KSR2: variants seen among roughly 807,000 people sequenced by gnomAD.
KSR2 encodes the protein kinase suppressor of ras 2.
In KSR2, 25 loss-of-function variants were observed where a neutral mutation model predicts 107.8. That is an observed-to-expected ratio of 0.23 (90% confidence interval 0.17 to 0.32). KSR2 has a LOEUF of 0.32. Ranked by LOEUF, KSR2 falls within the 10% of genes least tolerant of loss-of-function variation. The pLI, the probability that KSR2 is intolerant of heterozygous loss-of-function variation, is 1.00. For missense variants in KSR2, 887 were observed against 1,268.9 expected (o/e 0.70, Z 4.57); for synonymous variants, 480 against 507.0 (o/e 0.95, Z 0.71).
chr12:117,488,134 C>A (rs1872567395), intron 14 of KSR2, among the ~76,000 whole-genome samples: 1 of 152,162 alleles, frequency 6.6e-6, no homozygotes, highest in Non-Finnish European at 1.5e-5. Context: ...GTAAGACGTG[C>A]CTTTGTTTCC....
intron 4 of KSR2, among the ~76,000 whole-genome samples, chr12:117,722,152 T>C (rs908691294): frequency 1.3e-5 from 2 of 152,156 alleles, no homozygotes; most frequent in Non-Finnish European, 2.9e-5. Flanking sequence ...GGGACTACAG[T>C]TGCATGCCAC....
At chr12:117,858,422 C>T (rs973161515) in intron 2 of KSR2, among the ~76,000 whole-genome samples, 15 of 151,824 alleles carry the variant, frequency 9.9e-5, no homozygotes, top group Admixed American at 5.3e-4. Context: ...TACGAGATTG[C>T]GCGTGGTCTG....
chr12:117,733,893 G>T (rs563158293), intron 4 of KSR2, among the ~76,000 whole-genome samples: 2 of 152,336 alleles, frequency 1.3e-5, no homozygotes, highest in South Asian at 4.1e-4. Flanking sequence ...CTGAATGGAA[G>T]AATGAACAAA....
At chr12:117,523,076 A>G (rs1874866328) in intron 14 of KSR2, among the ~76,000 whole-genome samples, 1 of 152,218 alleles carries the variant, frequency 6.6e-6, no homozygotes, top group South Asian at 2.1e-4. Flanking sequence ...GCCCATCCCT[A>G]GATCTCTAAT....
At chr12:117,730,623 C>T (rs111535149) in intron 4 of KSR2, among the ~76,000 whole-genome samples, 11,190 of 152,198 alleles carry the variant, frequency 0.074, 1,384 homozygotes, top group African/African-American at 0.26. Context: ...ATTCTCCTGC[C>T]TCAGCCTGCC....
chr12:117,521,198 G>C (rs1193490290), intron 14 of KSR2, among the ~76,000 whole-genome samples: 1 of 152,076 alleles, frequency 6.6e-6, no homozygotes, highest in Non-Finnish European at 1.5e-5. Flanking sequence ...TCCTCTCCTA[G>C]GACTCTGGTG....
intron 4 of KSR2, among the ~76,000 whole-genome samples, chr12:117,690,826 C>T (rs1408800404): frequency 6.6e-6 from 1 of 152,212 alleles, no homozygotes; most frequent in African/African-American, 2.4e-5. Flanking sequence ...GTGGCTCACA[C>T]TGTGGTACTT....
At chr12:117,613,463 G>A (rs969521325) in intron 5 of KSR2, among the ~76,000 whole-genome samples, 11 of 152,098 alleles carry the variant, frequency 7.2e-5, no homozygotes, top group South Asian at 2.1e-4. Context: ...TTTGCCACCC[G>A]AGGCTGATCA....
At chr12:117,479,896 A>G (rs1264571849) in intron 16 of KSR2, among the ~76,000 whole-genome samples, 2 of 152,230 alleles carry the variant, frequency 1.3e-5, no homozygotes, top group Non-Finnish European at 2.9e-5. Flanking sequence ...CTATTTTCCC[A>G]TCTATAAAAT....
At chr12:117,885,834 G>A (rs1254637797) in intron 1 of KSR2, among the ~76,000 whole-genome samples, 6 of 151,980 alleles carry the variant, frequency 3.9e-5, no homozygotes, top group African/African-American at 7.2e-5. Context: ...GGTGGCTCAC[G>A]TCTGTAATCC....
At chr12:117,798,008 C>A (rs1476449018) in intron 3 of KSR2, among the ~76,000 whole-genome samples, 2 of 152,136 alleles carry the variant, frequency 1.3e-5, no homozygotes, top group African/African-American at 2.4e-5. Context: ...AATGCCTTGA[C>A]CGGAAAGTGT....
chr12:117,577,107 G>A (rs908895411), intron 7 of KSR2, among the ~76,000 whole-genome samples: 3 of 152,136 alleles, frequency 2.0e-5, no homozygotes, highest in African/African-American at 2.4e-5. Context: ...TGCCCTTGCC[G>A]TTCTCTCACT....
intron 3 of KSR2, among the ~76,000 whole-genome samples, chr12:117,826,490 G>C (rs1040540066): frequency 2.4e-5 from 3 of 125,390 alleles, no homozygotes; most frequent in Non-Finnish European, 5.2e-5. Flanking sequence ...GAAGACTAAG[G>C]GGAAAAAACA....
At chr12:117,814,719 G>T (rs1891312284) in intron 3 of KSR2, among the ~76,000 whole-genome samples, 1 of 152,150 alleles carries the variant, frequency 6.6e-6, no homozygotes, top group Non-Finnish European at 1.5e-5. Flanking sequence ...CTACCTCGGT[G>T]CCTTGTGCTA....
Position 117,723,598 on chromosome 12 carries a change from T to TA in KSR2, c.986+37412dup, listed in dbSNP as rs956435717. 3.3e-5 allele frequency among the ~76,000 whole-genome samples: 5 copies of TA among 151,818 alleles called. No individual in the cohort carries two copies. The East Asian group carries it at 7.7e-4, about 24-fold the overall frequency. The stretch of plus-strand genomic sequence containing the variant: ...ATCTTTTGGACAATAAAATCATCAT[T>TA]AAAAAAAATAAAAGCTCAAAAAATG... On this transcript the variant is annotated intron_variant, in intron 4 of 19. Transcript: ENST00000339824.
intron 8 of KSR2, 59 bp from the exon 9 acceptor site, chr12:117,555,352 C>CGTCCTGGCATAACCAA: frequency 6.3e-7 from 1 of 1,593,034 alleles, no homozygotes; most frequent in South Asian, 1.1e-5. Flanking sequence ...TTGGTTATGC[C>CGTCCTGGCATAACCAA]AGGACGGCAT....
chr12:117,937,261 A>T (rs1895874703), intron 1 of KSR2, among the ~76,000 whole-genome samples: 2 of 152,316 alleles, frequency 1.3e-5, no homozygotes, highest in South Asian at 4.1e-4. Flanking sequence ...AACTCTGCAG[A>T]GACATTTTCT....
intron 9 of KSR2, among the ~76,000 whole-genome samples, chr12:117,553,225 T>C (rs1484590772): frequency 1.3e-5 from 2 of 152,042 alleles, no homozygotes; most frequent in African/African-American, 4.8e-5. Context: ...AGGAGCCAGA[T>C]GGTAAATGGC....
rs1215659428 is a variant in KSR2 at position 117,833,343 on chromosome 12, C to T, written c.472+22085G>A. Among the ~76,000 whole-genome samples, 4 of 152,090 alleles carry T rather than the reference C, an allele frequency of 2.6e-5. No individual in the cohort carries two copies. The East Asian group carries it at 7.7e-4, about 29-fold the overall frequency. ...AATATCTGTGCAGAAACCCTTGGGACAGGAGTGCATTTGGGGGTGGGGGTT... is the reference window on the plus strand; with the variant it reads ...AATATCTGTGCAGAAACCCTTGGGATAGGAGTGCATTTGGGGGTGGGGGTT... On this transcript the variant is annotated intron_variant, in intron 3 of 19. Transcript: ENST00000339824.
Sources: allele counts gnomAD v4.1 joint callset (sites outside exome capture counted in the v4.1 genomes callset), GRCh38; gene constraint gnomAD v4.1.1; transcripts MANE v1.5; gene names NCBI Gene and HGNC (gene_info 2026-07-23, HGNC 2026-07-21).